The following ACVR1 variants were observed in gnomAD, a reference collection of about 807,000 sequenced individuals.
ACVR1 encodes activin receptor type-1.
ACVR1 carries 38 observed loss-of-function variants against 57.1 expected under a neutral mutation model. The observed-to-expected ratio is 0.67, with a 90% CI of 0.51 to 0.87. The LOEUF (loss-of-function observed/expected upper bound fraction) is 0.87. Ranked by LOEUF, ACVR1 falls within the 40% of genes least tolerant of loss-of-function variation. The probability of loss-of-function intolerance (pLI) is 0.00; values close to 1 mark genes in which losing one functional copy is unlikely to be tolerated. For synonymous variants in ACVR1, 212 were observed against 228.1 expected (o/e 0.93, Z 0.63); for missense variants, 463 against 638.2 (o/e 0.73, Z 2.96).
intron 1 of ACVR1, among the ~76,000 whole-genome samples, chr2:157,853,040 G>T (rs1689377756): frequency 6.6e-6 from 1 of 152,154 alleles, no homozygotes; most frequent in Non-Finnish European, 1.5e-5. Flanking sequence ...CTCAAAACTA[G>T]AAGTTCAGTT....
chr2:157,798,874 T>C (rs1304433244), intron 3 of ACVR1, among the ~76,000 whole-genome samples: 1 of 151,766 alleles, frequency 6.6e-6, no homozygotes, highest in Non-Finnish European at 1.5e-5. Flanking sequence ...CAGAATTTTC[T>C]CTTATTTCTC....
In ACVR1 at chr2:157,737,123, A is replaced by C; in HGVS notation, c.*408T>G. 1 of 314,230 alleles carries C rather than the reference A, an allele frequency of 3.2e-6. No homozygotes were observed. The highest frequency in any genetic ancestry group is 5.9e-6 in the Non-Finnish European group (1 of 168,310). The allele number at this position is 314,230 out of a possible 1,614,324, so 19.5% of individuals were successfully genotyped here. A position where few individuals can be genotyped will look rare whatever the true frequency, so the allele number is the denominator to read the frequency against. Reference sequence around the variant, plus strand: ...GAATTCCTAGTGCAATAAAGAAGAGAAGCACAGGCAATATTGCTGATTAAA... The same window carrying C: ...GAATTCCTAGTGCAATAAAGAAGAGCAGCACAGGCAATATTGCTGATTAAA... On this transcript the variant is annotated 3_prime_UTR_variant, in exon 11 of 11. Transcript: ENST00000434821.
rs772500871 is a variant in ACVR1, at chr2:157,738,391, T to G, written c.1395+49A>C. 3.7e-6 allele frequency: 6 copies of G among 1,613,386 alleles called. No individual in the cohort carries two copies. In the South Asian group the frequency reaches 5.5e-5, roughly 15 times the overall value. On this transcript the variant is annotated intron_variant, in intron 10 of 10. Transcript: ENST00000434821. ...CAGTTGAAACTCAAAGGGAAACAAATAGCAAACAATGGAAAAGAGCTCTAA... is the reference window on the plus strand; with the variant it reads ...CAGTTGAAACTCAAAGGGAAACAAAGAGCAAACAATGGAAAAGAGCTCTAA...
At chr2:157,787,334 C>T (rs1390526900) in intron 3 of ACVR1, among the ~76,000 whole-genome samples, 1 of 152,144 alleles carries the variant, frequency 6.6e-6, no homozygotes, top group Non-Finnish European at 1.5e-5. Flanking sequence ...ATAATGACCC[C>T]TTTCTTCATT....
intron 9 of ACVR1, among the ~76,000 whole-genome samples, chr2:157,755,791 C>G (rs1685403629): frequency 6.6e-6 from 1 of 152,010 alleles, no homozygotes; most frequent in Non-Finnish European, 1.5e-5. Flanking sequence ...CACCGTCATT[C>G]TTCACAGAAC....
At chr2:157,763,581 T>G (rs1176973765) in intron 8 of ACVR1, among the ~76,000 whole-genome samples, 1 of 152,036 alleles carries the variant, frequency 6.6e-6, no homozygotes. Context: ...GTTAGCCAGG[T>G]GTGGTGGTAC....
At chr2:157,761,196 C>A (rs7567135) in intron 8 of ACVR1, 119 bp from the exon 9 acceptor site, 75 of 883,754 alleles carry the variant, frequency 8.5e-5, no homozygotes, top group Non-Finnish European at 1.2e-4. Context: ...GTCACTGTTG[C>A]AATACACTCA....
At chr2:157,824,385 T>C (rs1235022471) in intron 1 of ACVR1, among the ~76,000 whole-genome samples, 1 of 152,132 alleles carries the variant, frequency 6.6e-6, no homozygotes, top group Non-Finnish European at 1.5e-5. Context: ...GGGGGACTGC[T>C]TCAGCCCAGG....
chr2:157,828,948 G>C (rs958789094), intron 1 of ACVR1, among the ~76,000 whole-genome samples: 6 of 152,014 alleles, frequency 3.9e-5, no homozygotes, highest in African/African-American at 9.7e-5. Flanking sequence ...TGTATTTTTA[G>C]TAGAGATGGG....
chr2:157,775,182 T>C (rs926518681), intron 5 of ACVR1, among the ~76,000 whole-genome samples: 2 of 152,226 alleles, frequency 1.3e-5, no homozygotes, highest in Admixed American at 6.5e-5. Flanking sequence ...CTACTTATCA[T>C]TTCTTAATGT....
At chr2:157,782,438 T>C (rs1321876422) in intron 3 of ACVR1, among the ~76,000 whole-genome samples, 1 of 152,238 alleles carries the variant, frequency 6.6e-6, no homozygotes, top group African/African-American at 2.4e-5. Context: ...GCAAAAGTTT[T>C]AATGAGCAAA....
chr2:157,819,077 C>CAA (rs386391595), intron 1 of ACVR1, among the ~76,000 whole-genome samples: 55 of 59,196 alleles, frequency 9.3e-4, no homozygotes, highest in African/African-American at 3.2e-3. Context: ...GACTCCGTCT[C>CAA]AAAAAAAAAA....
chr2:157,875,568 C>G (rs1163413526), intron 1 of ACVR1: 1 of 151,836 alleles, frequency 6.6e-6, no homozygotes, highest in African/African-American at 2.4e-5. Context: ...TGCCCCCCCA[C>G]CCCCCATATC....
chr2:157,738,620 G>C, intron 9 of ACVR1, 50 bp from the exon 10 acceptor site: 1 of 1,613,530 alleles, frequency 6.2e-7, no homozygotes, highest in Non-Finnish European at 8.5e-7. Flanking sequence ...AGTACAGGTT[G>C]CCCCAAGGTT....
intron 1 of ACVR1, among the ~76,000 whole-genome samples, chr2:157,834,411 A>T (rs1481774984): frequency 2.0e-5 from 3 of 151,984 alleles, no homozygotes; most frequent in Non-Finnish European, 4.4e-5. Context: ...TTTTTTTAAG[A>T]GGCAAATAAA....
chr2:157,823,748 C>T (rs1461906879), intron 1 of ACVR1, among the ~76,000 whole-genome samples: 1 of 152,152 alleles, frequency 6.6e-6, no homozygotes, highest in East Asian at 1.9e-4. Context: ...TCCGTAACCT[C>T]GAAACCCTCA....
intron 1 of ACVR1, among the ~76,000 whole-genome samples, chr2:157,866,921 C>G (rs1297055542): frequency 1.3e-5 from 2 of 152,192 alleles, no homozygotes; most frequent in Non-Finnish European, 2.9e-5. Flanking sequence ...AGCTCTCCCC[C>G]AGGACATTCT....
At chr2:157,779,544 C>T (rs1298228904) in intron 4 of ACVR1, among the ~76,000 whole-genome samples, 2 of 152,156 alleles carry the variant, frequency 1.3e-5, no homozygotes, top group African/African-American at 2.4e-5. Flanking sequence ...TTTGGATGCT[C>T]GTCGTTACCT....
In ACVR1 at chr2:157,800,502, T is replaced by A. The variant is rs961823141; in HGVS notation, c.-7-1002A>T. On this transcript the variant is annotated intron_variant, in intron 2 of 10. Transcript: ENST00000434821. ...ATTTTTAAAATTAAAAAAAAATCAA[T>A]TTTTTTGGCTGGCGGTCTGTTTACA... Among the ~76,000 whole-genome samples the A allele has an allele frequency of 2.0e-5, 3 of 152,036 alleles. No homozygotes were observed. The South Asian group carries it at 6.2e-4, about 32-fold the overall frequency.
Sources: allele counts gnomAD v4.1 joint callset (sites outside exome capture counted in the v4.1 genomes callset), GRCh38; gene constraint gnomAD v4.1.1; transcripts MANE v1.5; gene names NCBI Gene and HGNC (gene_info 2026-07-23, HGNC 2026-07-21).